CDH7: variants seen among roughly 807,000 people sequenced by gnomAD.
The protein encoded by CDH7 is cadherin-7.
In CDH7, 25 loss-of-function variants were observed where a neutral mutation model predicts 71.8. That is an observed-to-expected ratio of 0.35 (90% CI 0.25 to 0.49). The LOEUF (loss-of-function observed/expected upper bound fraction) is 0.49. CDH7 is among the 20% of genes least tolerant of loss of function. The pLI is 0.99. For synonymous variants in CDH7, 381 were observed against 363.8 expected, an observed-to-expected ratio of 1.05 and a Z score of -0.54; for missense variants, 862 against 974.6, an observed-to-expected ratio of 0.88 and a Z score of 1.54.
At chr18:65,795,650 A>G (rs527863795) in intron 2 of CDH7, among the ~76,000 whole-genome samples, 4 of 152,304 alleles carry the variant, frequency 2.6e-5, no homozygotes, top group African/African-American at 9.6e-5. Flanking sequence ...TAGATAAATT[A>G]TAATTAAGTA....
chr18:65,824,650 A>G lies in CDH7; in HGVS notation c.800A>G (p.Tyr267Cys), dbSNP rs762525110. 44 of 1,567,202 alleles carry G rather than the reference A, an allele frequency of 2.8e-5. No homozygotes were observed. Among genetic ancestry groups the G allele is most frequent in the Non-Finnish European group, 3.6e-5 (42 of 1,155,258 alleles). ...DNPPRFPRRS[Y>C]QYNVPESLPV... ...CTTGCTTTGAATTTCACAGGGTCTT[A>G]TCAATATAACGTCCCAGAGTCATTA... The change falls in exon 6 of 12, where the codon TAT becomes TGT. Residue 267 changes from tyrosine (Y) to cysteine (C), a missense_variant. Coordinates refer to ENST00000397968, the MANE Select transcript of CDH7 (RefSeq NM_004361.5).
chr18:65,854,892 A>G (rs576375470), intron 7 of CDH7, among the ~76,000 whole-genome samples: 1 of 151,368 alleles, frequency 6.6e-6, no homozygotes, highest in African/African-American at 2.4e-5. Context: ...GTTCATACAT[A>G]TACGTATGTA....
chr18:65,776,531 A>G (rs1032720877), intron 2 of CDH7, among the ~76,000 whole-genome samples: 5 of 152,134 alleles, frequency 3.3e-5, no homozygotes, highest in Non-Finnish European at 7.4e-5. Context: ...TTCTAGTGTC[A>G]TTAGGATTCT....
At chr18:65,770,844 T>C (rs905777526) in intron 2 of CDH7, among the ~76,000 whole-genome samples, 2 of 152,222 alleles carry the variant, frequency 1.3e-5, no homozygotes, top group Non-Finnish European at 2.9e-5. Context: ...CAACCAATCA[T>C]ATTTTGAAGA....
Position 65,889,743 on chromosome 18 carries a change from A to G in CDH7, c.*8849A>G, listed in dbSNP as rs754394352. ...GTACTATGGAGATTGTATATACTAT[A>G]TTAGACACTGTGCAAGAAGGAACTT... is the stretch of plus-strand genomic sequence containing the variant. On this transcript the variant is annotated 3_prime_UTR_variant, in exon 12 of 12. Transcript: ENST00000397968. The G allele has an allele frequency of 6.6e-6, 1 of 152,232 alleles. No homozygotes were observed. The highest frequency in any genetic ancestry group is 6.5e-5 in the Admixed American group (1 of 15,278). 9.4% of individuals were successfully genotyped at this position (152,232 alleles called of 1,614,324 possible). A position where few individuals can be genotyped will look rare whatever the true frequency, so the allele number is the denominator to read the frequency against.
chr18:65,850,173 A>T (rs199552585), intron 7 of CDH7, among the ~76,000 whole-genome samples: 17 of 65,300 alleles, frequency 2.6e-4, no homozygotes, highest in South Asian at 1.4e-3. Flanking sequence ...CACTATATAT[A>T]ATATATATAT....
At chr18:65,878,752 T>C (rs764839877) in intron 11 of CDH7, among the ~76,000 whole-genome samples, 2 of 152,184 alleles carry the variant, frequency 1.3e-5, no homozygotes, top group African/African-American at 2.4e-5. Flanking sequence ...GTTGAAAACA[T>C]TCAAATGAAG....
intron 4 of CDH7, 139 bp downstream of exon 4, chr18:65,814,743 G>T: frequency 3.1e-6 from 2 of 647,204 alleles, no homozygotes; most frequent in Non-Finnish European, 4.8e-6. Flanking sequence ...TGGTAAGCAT[G>T]ATATTATTGA....
chr18:65,837,243 ATTCAAGGCTGTTGCAATAGGAGAGAG>A (rs1193231856), intron 6 of CDH7, among the ~76,000 whole-genome samples: 1 of 152,222 alleles, frequency 6.6e-6, no homozygotes, highest in Non-Finnish European at 1.5e-5. Flanking sequence ...GGAAGATTTT[ATTCAAGGCTGTTGCAATAGGAGAGAG>A]AAACGAGACT....
In CDH7 at chr18:65,880,877, G is replaced by C. The variant is rs374255064; in HGVS notation, c.2341G>C (p.Glu781Gln). Residue 781 changes from glutamate to glutamine, a missense_variant, in exon 12 of 12, where the codon GAG becomes CAG. Transcript: ENST00000397968. ...CGCGGACATGTATGGGACTGGCCAAGAGAGTTTGTACTCATAGCCTTGGAA... is the reference window on the plus strand; with the variant it reads ...CGCGGACATGTATGGGACTGGCCAACAGAGTTTGTACTCATAGCCTTGGAA... Reference protein sequence around the residue: ...RLADMYGTGQESLYS With the variant: ...RLADMYGTGQQSLYS The C allele has an allele frequency of 4.3e-5, 69 of 1,611,830 alleles. No homozygotes were observed. Among genetic ancestry groups the C allele is most frequent in the Non-Finnish European group, 5.5e-5 (65 of 1,178,944 alleles).
At chr18:65,878,066 T>G (rs1050737071) in intron 11 of CDH7, among the ~76,000 whole-genome samples, 6 of 152,186 alleles carry the variant, frequency 3.9e-5, no homozygotes, top group African/African-American at 1.4e-4. Flanking sequence ...TTTATGTGTC[T>G]AAGACAACCA....
intron 6 of CDH7, among the ~76,000 whole-genome samples, chr18:65,836,307 A>G (rs1912531040): frequency 6.6e-6 from 1 of 152,176 alleles, no homozygotes; most frequent in Admixed American, 6.5e-5. Context: ...ACAGGAGAAC[A>G]GAAGAGAGAA....
intron 6 of CDH7, among the ~76,000 whole-genome samples, chr18:65,828,404 A>G (rs1474483244): frequency 6.6e-6 from 1 of 152,070 alleles, no homozygotes; most frequent in Admixed American, 6.6e-5. Flanking sequence ...TTATATATGG[A>G]TTTTTTTCTA....
Position 65,881,602 on chromosome 18 carries a change from T to A in CDH7, c.*708T>A, listed in dbSNP as rs1277032474. ...TAGTTTTGAGATGCTTGTGTAGGTA[T>A]GATAAAAAAAAAAGTTGCTGTCTGT... is the stretch of plus-strand genomic sequence containing the variant. On this transcript the variant is annotated 3_prime_UTR_variant, in exon 12 of 12. Coordinates refer to ENST00000397968, the MANE Select transcript of CDH7 (RefSeq NM_004361.5). The A allele has an allele frequency of 6.6e-6, 1 of 151,992 alleles. No homozygotes were observed. Among genetic ancestry groups the A allele is most frequent in the African/African-American group, 2.4e-5 (1 of 41,360 alleles). 9.4% of individuals were successfully genotyped at this position (151,992 alleles called of 1,614,324 possible). A position where few individuals can be genotyped will look rare whatever the true frequency, so the allele number is the denominator to read the frequency against.
chr18:65,851,566 C>T (rs889081068), intron 7 of CDH7, among the ~76,000 whole-genome samples: 3 of 152,226 alleles, frequency 2.0e-5, no homozygotes, highest in Admixed American at 6.5e-5. Context: ...TGATAATCAC[C>T]GGTATTCATT....
Position 65,880,767 on chromosome 18 carries a change from C to T in CDH7, c.2231C>T (p.Ser744Leu). ...GAAGGAAATGGCTCAGTTGCTGAAT[C>T]ACTCAGCTCTTTAGATTCCATCAGC... ...AFEGNGSVAE[S>L]LSSLDSISSN... is the part of the protein sequence containing the mutation. Residue 744 changes from serine to leucine, a missense_variant, in exon 12 of 12, where the codon TCA becomes TTA. Transcript: ENST00000397968. 6.2e-7 allele frequency: 1 copy of T among 1,614,150 alleles called. No individual in the cohort carries two copies. Among genetic ancestry groups the T allele is most frequent in the Non-Finnish European group, 8.5e-7 (1 of 1,180,024 alleles).
intron 11 of CDH7, among the ~76,000 whole-genome samples, chr18:65,864,306 G>A (rs1913682155): frequency 1.3e-5 from 2 of 152,050 alleles, no homozygotes; most frequent in Non-Finnish European, 2.9e-5. Flanking sequence ...GCAAGCAGCT[G>A]AAGATGGCTT....
intron 6 of CDH7, among the ~76,000 whole-genome samples, chr18:65,842,377 T>C (rs1219725546): frequency 6.6e-6 from 1 of 150,726 alleles, no homozygotes; most frequent in African/African-American, 2.5e-5. Context: ...ATTTTGTATA[T>C]TGATTTATAT....
At position 65,822,518 on chromosome 18, in the gene CDH7, A is replaced by G. The variant is rs575758360; in HGVS notation, c.793+270A>G. Reference sequence around the variant, plus strand: ...CTTTCATTCACATTTTGAATACTAGACAATTATTAATTGTGTTTATGTATT... The same window carrying G: ...CTTTCATTCACATTTTGAATACTAGGCAATTATTAATTGTGTTTATGTATT... On this transcript the variant is annotated intron_variant, in intron 5 of 11. Coordinates refer to ENST00000397968, the MANE Select transcript of CDH7 (RefSeq NM_004361.5). 2.0e-4 allele frequency among the ~76,000 whole-genome samples: 30 copies of G among 151,430 alleles called. 1 individual carries two copies. The South Asian group carries it at 5.2e-3, about 26-fold the overall frequency.
Sources: gnomAD v4.1 joint callset for allele counts (sites outside exome capture counted in the v4.1 genomes callset) on GRCh38, gnomAD v4.1.1 for gene constraint, MANE v1.5 for transcripts, NCBI Gene and HGNC (gene_info 2026-07-23, HGNC 2026-07-21) for gene names.